The following OPCML variants were observed in gnomAD, a reference collection of about 807,000 sequenced individuals.
OPCML encodes opioid binding protein/cell adhesion molecule like.
Under a neutral mutation model 37.8 loss-of-function variants are expected in OPCML, and 13 were observed. The ratio of observed to expected loss-of-function variants is 0.34; its 90% CI spans 0.22 to 0.55. The LOEUF (loss-of-function observed/expected upper bound fraction) is 0.55. OPCML is among the 20% of genes least tolerant of loss of function. The pLI, the probability that OPCML is intolerant of heterozygous loss-of-function variation, is 0.91. For synonymous variants in OPCML, 176 were observed against 168.8 expected, an observed-to-expected ratio of 1.04 and a Z score of -0.33; for missense variants, 341 against 435.6, an observed-to-expected ratio of 0.78 and a Z score of 1.93.
chr11:133,451,645 C>A (rs902860261), intron 1 of OPCML, among the ~76,000 whole-genome samples: 1 of 150,686 alleles, frequency 6.6e-6, no homozygotes, highest in African/African-American at 2.5e-5. Flanking sequence ...GAGTTTGACA[C>A]CAGCCTGGCC....
chr11:133,318,714 C>T (rs553321741), intron 1 of OPCML, among the ~76,000 whole-genome samples: 4 of 152,228 alleles, frequency 2.6e-5, no homozygotes, highest in East Asian at 1.9e-4. Flanking sequence ...CACGCTACAG[C>T]GGTTACTGGC....
chr11:133,432,396 C>T, intron 1 of OPCML, among the ~76,000 whole-genome samples: 1 of 152,102 alleles, frequency 6.6e-6, no homozygotes, highest in South Asian at 2.1e-4. Flanking sequence ...TGGGGACTTA[C>T]TGTGTTAATC....
chr11:132,736,911 T>G (rs895108460), intron 2 of OPCML, among the ~76,000 whole-genome samples: 6 of 152,190 alleles, frequency 3.9e-5, no homozygotes, highest in Non-Finnish European at 7.3e-5. Context: ...TTTAAGATGA[T>G]AATTTTCAAA....
intron 3 of OPCML, among the ~76,000 whole-genome samples, chr11:132,642,054 A>G (rs1940879907): frequency 6.6e-6 from 1 of 152,212 alleles, no homozygotes; most frequent in Non-Finnish European, 1.5e-5. Flanking sequence ...CAGATAAGGG[A>G]AATTCATTAC....
intron 3 of OPCML, among the ~76,000 whole-genome samples, chr11:132,610,403 C>G (rs143545590): frequency 6.6e-6 from 1 of 152,336 alleles, no homozygotes; most frequent in East Asian, 1.9e-4. Context: ...TTCAGCAGCA[C>G]AAACCTAAGC....
intron 2 of OPCML, among the ~76,000 whole-genome samples, chr11:132,937,261 A>G (rs755949590): frequency 6.6e-6 from 1 of 152,122 alleles, no homozygotes; most frequent in Non-Finnish European, 1.5e-5. Context: ...GAGTGGGCCA[A>G]GGGCAGAGTC....
At chr11:133,014,856 T>C (rs1947290522) in intron 1 of OPCML, among the ~76,000 whole-genome samples, 1 of 152,258 alleles carries the variant, frequency 6.6e-6, no homozygotes, top group Non-Finnish European at 1.5e-5. Flanking sequence ...CCACATCTAC[T>C]GTCCTAGTAT....
intron 1 of OPCML, among the ~76,000 whole-genome samples, chr11:132,973,641 G>C (rs576156668): frequency 1.3e-5 from 2 of 152,312 alleles, no homozygotes; most frequent in Admixed American, 1.3e-4. Flanking sequence ...ACACAACAAA[G>C]TTGACTGATT....
chr11:132,880,191 T>C (rs1005207762), intron 2 of OPCML, among the ~76,000 whole-genome samples: 3 of 152,158 alleles, frequency 2.0e-5, no homozygotes, highest in African/African-American at 7.2e-5. Flanking sequence ...AGGAAGAACA[T>C]GAAATTAAAT....
chr11:133,004,401 G>C (rs1416335519), intron 1 of OPCML: 2 of 985,354 alleles, frequency 2.0e-6, no homozygotes, highest in Non-Finnish European at 2.4e-6. Flanking sequence ...TTGGAATCGT[G>C]TCTATCATCT....
chr11:132,593,365 G>A (rs2096487646), intron 3 of OPCML, among the ~76,000 whole-genome samples: 1 of 152,216 alleles, frequency 6.6e-6, no homozygotes, highest in Non-Finnish European at 1.5e-5. Context: ...CCATGGCAAA[G>A]AGCATGCATT....
At chr11:132,769,823 G>A (rs1316937905) in intron 2 of OPCML, among the ~76,000 whole-genome samples, 2 of 152,100 alleles carry the variant, frequency 1.3e-5, no homozygotes, top group Admixed American at 6.5e-5. Flanking sequence ...ATGATCTACA[G>A]TGAAAGAAAG....
chr11:133,309,550 C>G (rs181388030), intron 1 of OPCML, among the ~76,000 whole-genome samples: 4 of 152,248 alleles, frequency 2.6e-5, no homozygotes, highest in Admixed American at 1.3e-4. Context: ...AATCTTGTGA[C>G]AGAAAACAGA....
At chr11:132,911,145 T>C (rs138204590) in intron 2 of OPCML, among the ~76,000 whole-genome samples, 34 of 152,372 alleles carry the variant, frequency 2.2e-4, no homozygotes, top group African/African-American at 7.5e-4. Context: ...CTTGCAAAAG[T>C]CTGCGTGTAA....
intron 1 of OPCML, among the ~76,000 whole-genome samples, chr11:133,168,235 G>T (rs900846433): frequency 1.3e-5 from 2 of 152,200 alleles, no homozygotes; most frequent in Non-Finnish European, 2.9e-5. Flanking sequence ...ATGACACCAG[G>T]GAGATACTCC....
chr11:132,497,044 T>C (rs1394171846), intron 4 of OPCML, among the ~76,000 whole-genome samples: 1 of 152,140 alleles, frequency 6.6e-6, no homozygotes, highest in South Asian at 2.1e-4. Flanking sequence ...AGTGATACCA[T>C]GGAATACTAT....
chr11:133,436,712 A>C (rs527697617), intron 1 of OPCML, among the ~76,000 whole-genome samples: 2 of 152,190 alleles, frequency 1.3e-5, no homozygotes, highest in Non-Finnish European at 2.9e-5. Flanking sequence ...GTGACCTTGA[A>C]TAGTTACTAA....
intron 3 of OPCML, among the ~76,000 whole-genome samples, chr11:132,616,274 A>T (rs555708361): frequency 6.6e-6 from 1 of 152,354 alleles, no homozygotes; most frequent in South Asian, 2.1e-4. Flanking sequence ...ATTTTTACAC[A>T]CACGCATACC....
At chr11:132,520,674 A>ATATATGTGTG (rs10630619) in intron 4 of OPCML, among the ~76,000 whole-genome samples, 1 of 128,020 alleles carries the variant, frequency 7.8e-6, no homozygotes, top group Non-Finnish European at 1.7e-5. Flanking sequence ...CTAAATATAT[A>ATATATGTGTG]TGTGTGTGTG....
Sources: gnomAD v4.1 joint callset for allele counts (sites outside exome capture counted in the v4.1 genomes callset) on GRCh38, gnomAD v4.1.1 for gene constraint, MANE v1.5 for transcripts, NCBI Gene and HGNC (gene_info 2026-07-23, HGNC 2026-07-21) for gene names.